The following SPOCK3 variants were observed in gnomAD, a reference collection of about 807,000 sequenced individuals.
SPOCK3 encodes SPARC (osteonectin), cwcv and kazal like domains proteoglycan 3.
Under a neutral mutation model 56.6 loss-of-function variants are expected in SPOCK3, and 30 were observed. The ratio of observed to expected loss-of-function variants is 0.53; its 90% CI spans 0.40 to 0.72. The LOEUF (loss-of-function observed/expected upper bound fraction) is 0.72, where lower values mean the gene tolerates loss of function less well. Ranked by LOEUF, SPOCK3 falls within the 30% of genes least tolerant of loss-of-function variation. SPOCK3 has a pLI of 0.00. For missense variants in SPOCK3, 527 were observed against 530.0 expected (o/e 0.99, Z 0.06); for synonymous variants, 196 against 183.3 (o/e 1.07, Z -0.56).
rs541162470 is a variant in SPOCK3, at chr4:167,101,529, C to T, written c.190-38992G>A. On this transcript the variant is annotated intron_variant, in intron 2 of 10. Coordinates refer to ENST00000357545, the MANE Select transcript of SPOCK3 (RefSeq NM_001040159.2). Reference sequence around the variant, plus strand: ...AACTCACATGATCATATTATGCTTGCTAATTACCAATAAGTGCTATGATCT... The same window carrying T: ...AACTCACATGATCATATTATGCTTGTTAATTACCAATAAGTGCTATGATCT... Among the ~76,000 whole-genome samples, 12 of 152,058 alleles carry T rather than the reference C, an allele frequency of 7.9e-5. No homozygotes were observed. The South Asian group carries it at 2.5e-3, about 32-fold the overall frequency.
At chr4:167,207,510 A>G (rs2111001535) in intron 2 of SPOCK3, among the ~76,000 whole-genome samples, 1 of 152,264 alleles carries the variant, frequency 6.6e-6, no homozygotes, top group East Asian at 1.9e-4. Context: ...TTTTTAAAAC[A>G]TGAATCTTTA....
chr4:166,788,183 A>AAAACAAAC (rs146172189), intron 7 of SPOCK3, among the ~76,000 whole-genome samples: 12 of 151,584 alleles, frequency 7.9e-5, no homozygotes, highest in East Asian at 3.9e-4. Context: ...CTCCATTTAA[A>AAAACAAAC]AAACAAACAA....
At chr4:167,093,448 C>G (rs1244007780) in intron 2 of SPOCK3, among the ~76,000 whole-genome samples, 3 of 152,076 alleles carry the variant, frequency 2.0e-5, no homozygotes, top group Admixed American at 6.6e-5. Context: ...CCCTAACCCC[C>G]CATCCCCTGA....
intron 7 of SPOCK3, among the ~76,000 whole-genome samples, chr4:166,775,705 A>G (rs531982180): frequency 6.6e-6 from 1 of 152,208 alleles, no homozygotes; most frequent in East Asian, 1.9e-4. Context: ...AGGTAGACTT[A>G]GAGGGTGGCC....
chr4:166,742,033 T>C lies in SPOCK3; in HGVS notation c.958A>G (p.Asn320Asp). ...QDPPCQTELS[N>D]IQKRQGVKKL... ...TTTACCCCTTGCCGCTTCTGAATAT[T>C]GCTGAGCTCAGTCTGGCAAGGTGGG... is the stretch of plus-strand genomic sequence containing the variant. Residue 320 changes from asparagine (N) to aspartate (D), a missense_variant, in exon 9 of 11, where the codon AAT (asparagine) becomes GAT (aspartate). Coordinates refer to ENST00000357545, the MANE Select transcript of SPOCK3 (RefSeq NM_001040159.2). 1 of 1,613,208 alleles carries C rather than the reference T, an allele frequency of 6.2e-7. No individual in the cohort carries two copies. Among genetic ancestry groups the C allele is most frequent in the Non-Finnish European group, 8.5e-7 (1 of 1,179,342 alleles).
intron 3 of SPOCK3, among the ~76,000 whole-genome samples, chr4:167,038,807 C>A (rs1008867650): frequency 6.6e-6 from 1 of 151,972 alleles, no homozygotes; most frequent in Admixed American, 6.6e-5. Context: ...TTAATATATA[C>A]TGTTGTTAAT....
chr4:167,226,972 T>C (rs770914639), intron 2 of SPOCK3, among the ~76,000 whole-genome samples: 3 of 152,160 alleles, frequency 2.0e-5, no homozygotes, highest in African/African-American at 7.2e-5. Flanking sequence ...GAGAAAGAAA[T>C]AAATCTGAAC....
rs1172965362 is a variant in SPOCK3, at chr4:166,762,949, C to A, written c.710-8220G>T. Among the ~76,000 whole-genome samples, 3 of 151,984 alleles carry A rather than the reference C, an allele frequency of 2.0e-5. 1 individual carries two copies. Among genetic ancestry groups the A allele is most frequent in the Non-Finnish European group, 4.4e-5 (3 of 68,008 alleles). ...CTTAACATATCAGCAATTGAGGTCT[C>A]AGAAGAATACTCGAAGTGTGGGGTT... On this transcript the variant is annotated intron_variant, in intron 7 of 10. Transcript: ENST00000357545.
At chr4:166,938,041 C>T (rs867364208) in intron 4 of SPOCK3, among the ~76,000 whole-genome samples, 1 of 151,880 alleles carries the variant, frequency 6.6e-6, no homozygotes, top group South Asian at 2.1e-4. Flanking sequence ...ATCTGCCCGC[C>T]TCAGCCTCCC....
At chr4:166,827,401 G>T (rs561436671) in intron 6 of SPOCK3, among the ~76,000 whole-genome samples, 3 of 152,098 alleles carry the variant, frequency 2.0e-5, no homozygotes, top group Admixed American at 6.6e-5. Flanking sequence ...TGCCTGGCAT[G>T]AGATAAGCAG....
intron 6 of SPOCK3, among the ~76,000 whole-genome samples, chr4:166,853,292 T>G (rs1416415182): frequency 6.6e-6 from 1 of 152,206 alleles, no homozygotes; most frequent in East Asian, 1.9e-4. Flanking sequence ...GATAGGTGAA[T>G]AGTTATTTTA....
At chr4:167,116,677 G>A (rs1425693229) in intron 2 of SPOCK3, among the ~76,000 whole-genome samples, 1 of 73,374 alleles carries the variant, frequency 1.4e-5, no homozygotes, top group Non-Finnish European at 2.8e-5. Flanking sequence ...TAGTATATAT[G>A]TATATATACA....
intron 6 of SPOCK3, among the ~76,000 whole-genome samples, chr4:166,885,019 G>A (rs1477756467): frequency 3.3e-5 from 5 of 151,942 alleles, no homozygotes; most frequent in African/African-American, 9.7e-5. Flanking sequence ...TTTTAAAAAT[G>A]CAGATGAGGA....
intron 2 of SPOCK3, among the ~76,000 whole-genome samples, chr4:167,186,703 G>C (rs1195704669): frequency 1.3e-5 from 2 of 151,958 alleles, no homozygotes; most frequent in Non-Finnish European, 2.9e-5. Context: ...CCAGCAAGGT[G>C]CAGTGGCTCA....
chr4:167,001,725 C>A lies in SPOCK3; in HGVS notation c.236-1262G>T, dbSNP rs543002836. On this transcript the variant is annotated intron_variant, in intron 3 of 10. Coordinates refer to ENST00000357545, the MANE Select transcript of SPOCK3 (RefSeq NM_001040159.2). Reference sequence around the variant, plus strand: ...ACATGCCAAAAGTGAGAGAAAGAAACAATGAAATATGGTAAACAAAAAATT... The same window carrying A: ...ACATGCCAAAAGTGAGAGAAAGAAAAAATGAAATATGGTAAACAAAAAATT... 2.6e-5 allele frequency among the ~76,000 whole-genome samples: 4 copies of A among 151,870 alleles called. No homozygotes were observed. In the South Asian group the frequency reaches 8.3e-4, roughly 32 times the overall value.
At chr4:167,223,003 T>C (rs1325925924) in intron 2 of SPOCK3, among the ~76,000 whole-genome samples, 2 of 125,376 alleles carry the variant, frequency 1.6e-5, no homozygotes, top group Non-Finnish European at 3.1e-5. Context: ...TATATGAATA[T>C]ATATTTTATA....
In SPOCK3 at chr4:166,892,540, A is replaced by C. The variant is rs904355793; in HGVS notation, c.475-3296T>G. Among the ~76,000 whole-genome samples, 13 of 152,198 alleles carry C rather than the reference A, an allele frequency of 8.5e-5. No individual in the cohort carries two copies. The East Asian group carries it at 2.3e-3, about 27-fold the overall frequency. On this transcript the variant is annotated intron_variant, in intron 5 of 10. Coordinates refer to ENST00000357545, the MANE Select transcript of SPOCK3 (RefSeq NM_001040159.2). ...TGCTACTTTAAAATATTTTTTAGCT[A>C]TACCCACTGATTGCATTTCTAATTA...
intron 2 of SPOCK3, among the ~76,000 whole-genome samples, chr4:167,179,904 G>T (rs1731300962): frequency 6.6e-6 from 1 of 152,122 alleles, no homozygotes; most frequent in Admixed American, 6.5e-5. Flanking sequence ...AAATATAATG[G>T]TGAGAATTAA....
At chr4:166,951,741 AG>A (rs1439028513) in intron 4 of SPOCK3, among the ~76,000 whole-genome samples, 3 of 143,610 alleles carry the variant, frequency 2.1e-5, no homozygotes, top group African/African-American at 8.5e-5. Context: ...ACCATGATCA[AG>A]TGGGCTTCAT....
Sources: gnomAD v4.1 joint callset for allele counts (sites outside exome capture counted in the v4.1 genomes callset) on GRCh38, gnomAD v4.1.1 for gene constraint, MANE v1.5 for transcripts, NCBI Gene and HGNC (gene_info 2026-07-23, HGNC 2026-07-21) for gene names.